The following SPAG17 variants were observed in gnomAD, a reference collection of about 807,000 sequenced individuals.
SPAG17 encodes sperm-associated antigen 17.
Under a neutral mutation model 273.6 loss-of-function variants are expected in SPAG17, and 169 were observed. That is an observed-to-expected ratio of 0.62 (90% CI 0.55 to 0.70). The LOEUF (loss-of-function observed/expected upper bound fraction) is 0.70, where lower values mean the gene tolerates loss of function less well. Among genes scored for constraint, SPAG17 ranks in the 30% least tolerant of loss-of-function variants. The pLI is 0.00. For missense variants in SPAG17, 2,557 were observed against 2,627.8 expected, an observed-to-expected ratio of 0.97 and a Z score of 0.59; for synonymous variants, 825 against 873.2, an observed-to-expected ratio of 0.94 and a Z score of 0.97.
intron 38 of SPAG17, among the ~76,000 whole-genome samples, chr1:117,989,385 A>G (rs1413270444): frequency 6.6e-6 from 1 of 151,936 alleles, no homozygotes; most frequent in East Asian, 1.9e-4. Context: ...CATAACGAAA[A>G]AGGAAGCAAC....
chr1:118,074,933 T>C (rs1557990277), intron 15 of SPAG17, among the ~76,000 whole-genome samples: 1 of 152,346 alleles, frequency 6.6e-6, no homozygotes, highest in East Asian at 1.9e-4. Flanking sequence ...ACTGATTAAA[T>C]CAACTTCTTA....
intron 20 of SPAG17, among the ~76,000 whole-genome samples, chr1:118,048,902 A>T (rs1304047673): frequency 6.6e-6 from 1 of 152,228 alleles, no homozygotes; most frequent in Non-Finnish European, 1.5e-5. Flanking sequence ...TCTAAAAAAA[A>T]TAAAAATAAA....
At chr1:118,119,169 G>A (rs957406464) in intron 3 of SPAG17, among the ~76,000 whole-genome samples, 3 of 152,164 alleles carry the variant, frequency 2.0e-5, no homozygotes, top group African/African-American at 7.2e-5. Context: ...GCATATATGT[G>A]CATATATAAG....
rs559403847 is a variant in SPAG17, at chr1:118,031,558, T to G, written c.3609+134A>C. 5.2e-6 allele frequency: 5 copies of G among 959,444 alleles called. No homozygotes were observed. In the Admixed American group the frequency reaches 1.3e-4, roughly 25 times the overall value. The allele number at this position is 959,444 out of a possible 1,614,324, so 59.4% of individuals were successfully genotyped here. Reference sequence around the variant, plus strand: ...CTTCTTGTCTATTCAAAGTTGAGACTACAAGGGACGTTAATGTATCTGCAC... The same window carrying G: ...CTTCTTGTCTATTCAAAGTTGAGACGACAAGGGACGTTAATGTATCTGCAC... On this transcript the variant is annotated intron_variant, in intron 25 of 48. Transcript: ENST00000336338.
chr1:118,165,307 A>G (rs999391958), intron 1 of SPAG17, among the ~76,000 whole-genome samples: 7 of 152,120 alleles, frequency 4.6e-5, no homozygotes, highest in African/African-American at 1.7e-4. Flanking sequence ...GGGCGCCAGA[A>G]GTCCCACTTG....
intron 3 of SPAG17, among the ~76,000 whole-genome samples, chr1:118,136,753 A>AT (rs1381310115): frequency 6.6e-6 from 1 of 150,658 alleles, no homozygotes; most frequent in Non-Finnish European, 1.5e-5. Context: ...TCACCAATGC[A>AT]TTTTCCTTTG....
chr1:117,994,577 T>A (rs1468140003), intron 34 of SPAG17, 47 bp from the exon 35 acceptor site: 2 of 1,561,762 alleles, frequency 1.3e-6, no homozygotes, highest in Admixed American at 4.0e-5. Flanking sequence ...TTGAAAGTAC[T>A]CAGAGAAAAT....
At chr1:118,044,448 G>T (rs1266027337) in intron 20 of SPAG17, among the ~76,000 whole-genome samples, 1 of 151,532 alleles carries the variant, frequency 6.6e-6, no homozygotes, top group Non-Finnish European at 1.5e-5. Context: ...TCGCACCACT[G>T]CACTCCAGCC....
chr1:118,122,145 C>CTGTG (rs1430838124), intron 3 of SPAG17, among the ~76,000 whole-genome samples: 1 of 122,170 alleles, frequency 8.2e-6, no homozygotes, highest in African/African-American at 3.5e-5. Context: ...CAATGTGTGT[C>CTGTG]TGTGTGTCTG....
chr1:118,110,647 T>G (rs1450046679), intron 4 of SPAG17, among the ~76,000 whole-genome samples: 1 of 152,296 alleles, frequency 6.6e-6, no homozygotes, highest in South Asian at 2.1e-4. Flanking sequence ...AGGGCATTCC[T>G]CCTTGGTGAG....
intron 3 of SPAG17, among the ~76,000 whole-genome samples, chr1:118,130,677 A>C (rs1658009971): frequency 6.6e-6 from 1 of 152,156 alleles, no homozygotes; most frequent in Non-Finnish European, 1.5e-5. Context: ...CCAGTTTCTG[A>C]GCCAATCTTA....
At chr1:118,183,537 A>G (rs926943134) in intron 1 of SPAG17, among the ~76,000 whole-genome samples, 1 of 152,226 alleles carries the variant, frequency 6.6e-6, no homozygotes, top group Non-Finnish European at 1.5e-5. Flanking sequence ...TTAAAACTAC[A>G]TATTACTTTG....
At chr1:118,185,041 C>T (rs1231580965) in intron 1 of SPAG17, 30 bp downstream of exon 1, 18 of 1,599,212 alleles carry the variant, frequency 1.1e-5, no homozygotes, top group East Asian at 2.2e-5. Flanking sequence ...TTGCCGGGGG[C>T]AGGGAGGGCT....
chr1:118,101,379 C>T (rs1328225127), intron 5 of SPAG17, among the ~76,000 whole-genome samples: 1 of 152,200 alleles, frequency 6.6e-6, no homozygotes, highest in African/African-American at 2.4e-5. Context: ...CATGATTGTG[C>T]CACTGCACTC....
rs866900271 is a variant in SPAG17, at chr1:118,115,196, G to T, written c.447+114C>A. ...AGAAGTTGAGGTGACAGCCAAATTT[G>T]CCAGGTAACACTTAATGGTAGGCTT... On this transcript the variant is annotated intron_variant, in intron 4 of 48. Coordinates refer to ENST00000336338, the MANE Select transcript of SPAG17 (RefSeq NM_206996.4). The T allele has an allele frequency of 8.2e-6, 10 of 1,214,026 alleles. No individual in the cohort carries two copies. The Middle Eastern group carries it at 1.8e-3, about 214-fold the overall frequency. 75.2% of individuals were successfully genotyped at this position (1,214,026 alleles called of 1,614,324 possible).
intron 18 of SPAG17, 34 bp downstream of exon 18, chr1:118,066,711 C>G: frequency 6.3e-7 from 1 of 1,587,118 alleles, no homozygotes; most frequent in Non-Finnish European, 8.6e-7. Context: ...CTAAACCCAA[C>G]TAACTAATTA....
intron 20 of SPAG17, among the ~76,000 whole-genome samples, chr1:118,051,008 T>C (rs1241676266): frequency 6.6e-6 from 1 of 152,090 alleles, no homozygotes; most frequent in African/African-American, 2.4e-5. Flanking sequence ...AAGGAGTTAA[T>C]ATCTAAAAAT....
At chr1:118,029,727 A>C (rs974089711) in intron 25 of SPAG17, among the ~76,000 whole-genome samples, 1 of 152,134 alleles carries the variant, frequency 6.6e-6, no homozygotes, top group African/African-American at 2.4e-5. Context: ...TAATCATTTC[A>C]ATTTTTCCAG....
At chr1:118,000,237 A>C (rs991713274) in intron 32 of SPAG17, among the ~76,000 whole-genome samples, 1 of 152,162 alleles carries the variant, frequency 6.6e-6, no homozygotes, top group Non-Finnish European at 1.5e-5. Flanking sequence ...CTTGTAGTAT[A>C]GTTTGAAGTC....
Sources: gnomAD v4.1 joint callset for allele counts (sites outside exome capture counted in the v4.1 genomes callset) on GRCh38, gnomAD v4.1.1 for gene constraint, MANE v1.5 for transcripts, NCBI Gene and HGNC (gene_info 2026-07-23, HGNC 2026-07-21) for gene names.